The following AKR1E2 variants were observed in gnomAD, a reference collection of about 807,000 sequenced individuals.
AKR1E2 encodes the protein 1,5-anhydro-D-fructose reductase.
In AKR1E2, 43 loss-of-function variants were observed where a neutral mutation model predicts 41.9. That is an observed-to-expected ratio of 1.03 (90% confidence interval 0.80 to 1.32). AKR1E2 has a LOEUF of 1.32. AKR1E2 is among the 40% of genes most tolerant of loss of function. The pLI is 0.00. For missense variants in AKR1E2, 423 were observed against 396.5 expected (o/e 1.07, Z -0.57); for synonymous variants, 121 against 138.9 (o/e 0.87, Z 0.91).
At chr10:4,852,638 G>A (rs1834550045), downstream of AKR1E2, among the ~76,000 whole-genome samples, 1 of 152,186 alleles carries the variant, frequency 6.6e-6, no homozygotes, top group Admixed American at 6.5e-5. Flanking sequence ...ATGAATTTAC[G>A]CTGAAGCAGG....
At chr10:4,844,046 C>T (rs910207426) in intron 8 of AKR1E2, among the ~76,000 whole-genome samples, 1 of 152,204 alleles carries the variant, frequency 6.6e-6, no homozygotes, top group Admixed American at 6.5e-5. Context: ...CATGGTGTGT[C>T]CGGAATTGGT....
chr10:4,857,517 T>C, the AKR1E2 span, among the ~76,000 whole-genome samples: 555 of 152,308 alleles, frequency 3.6e-3, 2 homozygotes, highest in Non-Finnish European at 5.2e-3. Flanking sequence ...GTTGAGCAGA[T>C]GCCAGCATCA....
In AKR1E2 at chr10:4,826,253, G is replaced by T. The variant is rs2924275; in HGVS notation, c.-72G>T. 0.84 allele frequency: 1,002,893 copies of T among 1,187,338 alleles called. 426,499 individuals carry two copies. The highest frequency in any genetic ancestry group is 0.87 in the Admixed American group (20,618 of 23,594). The allele number at this position is 1,187,338 out of a possible 1,614,324, so 73.6% of individuals were successfully genotyped here. On this transcript the variant is annotated 5_prime_UTR_variant, in exon 1 of 10. Coordinates refer to ENST00000298375, the MANE Select transcript of AKR1E2 (RefSeq NM_001040177.3). ...GTCGCAACGGCGGGTCGCCAGCGCC[G>T]CAGTAGCTCGCGCGGTGCCTGTCGG...
intron 3 of AKR1E2, among the ~76,000 whole-genome samples, chr10:4,834,381 C>T (rs757282507): frequency 1.3e-5 from 2 of 152,144 alleles, no homozygotes; most frequent in African/African-American, 2.4e-5. Context: ...GGCAGCTGTC[C>T]GTTAGTGACA....
At chr10:4,867,572 TCAC>T in the AKR1E2 span, among the ~76,000 whole-genome samples, 8 of 152,380 alleles carry the variant, frequency 5.3e-5, no homozygotes, top group Non-Finnish European at 1.2e-4. Context: ...CATTCCTCTG[TCAC>T]CACAATTACC....
chr10:4,839,540 A>G (rs1314066626), intron 5 of AKR1E2, among the ~76,000 whole-genome samples, 189 bp from the exon 6 acceptor site: 2 of 152,346 alleles, frequency 1.3e-5, no homozygotes, highest in East Asian at 3.9e-4. Context: ...GTGGACTCAG[A>G]GACCATGACA....
At chr10:4,845,238 C>A (rs1000123739) in intron 8 of AKR1E2, among the ~76,000 whole-genome samples, 6 of 152,216 alleles carry the variant, frequency 3.9e-5, no homozygotes, top group Non-Finnish European at 8.8e-5. Context: ...CCACACCCAC[C>A]CGGAATTCGT....
At chr10:4,855,223 T>C in the AKR1E2 span, among the ~76,000 whole-genome samples, 2 of 152,212 alleles carry the variant, frequency 1.3e-5, no homozygotes, top group Admixed American at 6.5e-5. Context: ...TAAAAATAAC[T>C]GTTTATCTTC....
chr10:4,838,347 CTG>C (rs1303502302), intron 5 of AKR1E2, among the ~76,000 whole-genome samples: 1 of 152,198 alleles, frequency 6.6e-6, no homozygotes, highest in Non-Finnish European at 1.5e-5. Context: ...TCACACAGCA[CTG>C]TGTTTCTGTA....
chr10:4,840,724 A>G lies in AKR1E2; in HGVS notation c.680+898A>G, dbSNP rs964874930. Among the ~76,000 whole-genome samples the G allele has an allele frequency of 2.0e-5, 3 of 152,230 alleles. No individual in the cohort carries two copies. The South Asian group carries it at 6.2e-4, about 32-fold the overall frequency. On this transcript the variant is annotated intron_variant, in intron 6 of 9. Coordinates refer to ENST00000298375, the MANE Select transcript of AKR1E2 (RefSeq NM_001040177.3). ...GCAAATACTGTTCTCTTTACCCACAAATCTTTTTTTTTTAAATCTGGCAAA... is the reference window on the plus strand; with the variant it reads ...GCAAATACTGTTCTCTTTACCCACAGATCTTTTTTTTTTAAATCTGGCAAA...
chr10:4,872,973 GGGGGAA>G, the AKR1E2 span, among the ~76,000 whole-genome samples: 1 of 152,132 alleles, frequency 6.6e-6, no homozygotes, highest in African/African-American at 2.4e-5. Context: ...TTTCTAGGCA[GGGGGAA>G]TGGCCAGTGG....
intron 6 of AKR1E2, among the ~76,000 whole-genome samples, chr10:4,840,250 G>A (rs1420423267): frequency 6.6e-6 from 1 of 152,164 alleles, no homozygotes; most frequent in Admixed American, 6.5e-5. Context: ...GAGACCTCCA[G>A]CCATTCAGCC....
chr10:4,855,970 C>A, the AKR1E2 span, among the ~76,000 whole-genome samples: 6 of 152,164 alleles, frequency 3.9e-5, no homozygotes, highest in African/African-American at 1.4e-4. Context: ...AGGAAACAGT[C>A]AGCCCTTACC....
At chr10:4,853,819 C>T in the AKR1E2 span, among the ~76,000 whole-genome samples, 3 of 152,154 alleles carry the variant, frequency 2.0e-5, no homozygotes, top group South Asian at 2.1e-4. Context: ...AAATACAGGT[C>T]ATAAAGACCT....
intron 3 of AKR1E2, 73 bp downstream of exon 3, chr10:4,833,539 T>C: frequency 7.6e-7 from 1 of 1,310,318 alleles, no homozygotes; most frequent in Non-Finnish European, 1.1e-6. Context: ...TGTCTTGCGG[T>C]GGGGAGAGCA....
At chr10:4,828,990 C>T (rs866082835) in intron 1 of AKR1E2, among the ~76,000 whole-genome samples, 28 of 152,114 alleles carry the variant, frequency 1.8e-4, no homozygotes, top group African/African-American at 6.3e-4. Context: ...ATATCATCAG[C>T]AAATAATGGT....
At chr10:4,846,588 C>T (rs1175752731) in intron 8 of AKR1E2, among the ~76,000 whole-genome samples, 2 of 151,378 alleles carry the variant, frequency 1.3e-5, no homozygotes, top group Non-Finnish European at 2.9e-5. Flanking sequence ...CTCTGTCATC[C>T]AAGCTGGAGT....
intron 2 of AKR1E2, 75 bp downstream of exon 2, chr10:4,830,917 G>A: frequency 1.3e-6 from 2 of 1,546,078 alleles, no homozygotes; most frequent in East Asian, 2.3e-5. Flanking sequence ...CTTTCTTTAT[G>A]GGAGTTGATG....
the AKR1E2 span, among the ~76,000 whole-genome samples, chr10:4,868,539 A>G: frequency 6.6e-6 from 1 of 152,142 alleles, no homozygotes; most frequent in Non-Finnish European, 1.5e-5. Context: ...TGTGATATGT[A>G]TGCCTTTTAT....
Sources: gnomAD v4.1 joint callset for allele counts (sites outside exome capture counted in the v4.1 genomes callset) on GRCh38, gnomAD v4.1.1 for gene constraint, MANE v1.5 for transcripts, NCBI Gene and HGNC (gene_info 2026-07-23, HGNC 2026-07-21) for gene names.